VPS13A: variants seen among roughly 807,000 people sequenced by gnomAD.
The protein encoded by VPS13A is vacuolar protein sorting 13 homolog A, also known as intermembrane lipid transfer protein VPS13A.
In VPS13A, 264 loss-of-function variants were observed where a neutral mutation model predicts 390.9. That is an observed-to-expected ratio of 0.68 (90% CI 0.61 to 0.75). The LOEUF (loss-of-function observed/expected upper bound fraction) is 0.75. Among genes scored for constraint, VPS13A ranks in the 30% least tolerant of loss-of-function variants. The pLI is 0.00. For missense variants in VPS13A, 3,409 were observed against 3,733.9 expected (o/e 0.91, Z 2.27); for synonymous variants, 1,231 against 1,227.1 (o/e 1.00, Z -0.07).
chr9:77,276,235 T>A lies in VPS13A; in HGVS notation c.2824+14T>A. The A allele has an allele frequency of 6.4e-7, 1 of 1,565,766 alleles. No individual in the cohort carries two copies. Among genetic ancestry groups the A allele is most frequent in the Non-Finnish European group, 8.6e-7 (1 of 1,156,920 alleles). The stretch of plus-strand genomic sequence containing the variant: ...CAGAATACTTGGGTAAGAATCTCTA[T>A]TTTTTAAAATAAATAAATTAATTTC... On this transcript the variant is annotated intron_variant, in intron 26 of 71. Transcript: ENST00000360280.
intron 67 of VPS13A, among the ~76,000 whole-genome samples, chr9:77,373,792 A>T (rs1232424118): frequency 6.6e-6 from 1 of 151,742 alleles, no homozygotes; most frequent in East Asian, 1.9e-4. Context: ...ATTTACAAGA[A>T]AAAAACAAAC....
chr9:77,382,354 AT>A, intron 68 of VPS13A: 1 of 1,521,904 alleles, frequency 6.6e-7, no homozygotes, highest in Non-Finnish European at 8.8e-7. Flanking sequence ...TAGTCTTAAA[AT>A]TTACAAACTA....
At chr9:77,202,297 A>T (rs1825376945) in intron 3 of VPS13A, among the ~76,000 whole-genome samples, 1 of 152,096 alleles carries the variant, frequency 6.6e-6, no homozygotes, top group Non-Finnish European at 1.5e-5. Context: ...AGAGGGGGAG[A>T]ATGTCACCCA....
rs1230959524 is a variant in VPS13A at position 77,321,509 on chromosome 9, A to G, written c.5593A>G (p.Thr1865Ala). ...TTATTAGGCATTTACAGAAGCTGCC[A>G]CTGGATCTTCAGCTGACTTCGTAAA... ...NLVKAFTEAATGSSADFVKDL... is the reference protein window; with the variant it reads ...NLVKAFTEAAAGSSADFVKDL... Residue 1865 changes from threonine to alanine, a missense_variant, in exon 44 of 72, where the codon ACT (threonine) becomes GCT (alanine). This residue lies in a region of VPS13A where 2,717 missense variants were observed against 2,917.4 expected (regional missense o/e 0.93). Transcript: ENST00000360280. 2 of 1,613,466 alleles carry G rather than the reference A, an allele frequency of 1.2e-6. No homozygotes were observed. Among genetic ancestry groups the G allele is most frequent in the East Asian group, 4.5e-5 (2 of 44,836 alleles).
intron 45 of VPS13A, among the ~76,000 whole-genome samples, chr9:77,331,549 T>C (rs1830275663): frequency 6.6e-6 from 1 of 152,102 alleles, no homozygotes; most frequent in Non-Finnish European, 1.5e-5. Flanking sequence ...TTCCTCTTGA[T>C]TGCAACTTTT....
At chr9:77,406,180 T>A (rs1159537780) in intron 70 of VPS13A, among the ~76,000 whole-genome samples, 193 bp downstream of exon 70, 1 of 151,914 alleles carries the variant, frequency 6.6e-6, no homozygotes, top group Non-Finnish European at 1.5e-5. Context: ...AAAACTGTGC[T>A]TTCTGTGCTA....
In VPS13A at chr9:77,416,988, TAC is replaced by T. The variant is rs1835189112; in HGVS notation, c.*984_*985del. The T allele has an allele frequency of 6.6e-6, 1 of 152,530 alleles. No homozygotes were observed. The highest frequency in any genetic ancestry group is 1.5e-5 in the Non-Finnish European group (1 of 68,034). The allele number at this position is 152,530 out of a possible 1,614,324, so 9.4% of individuals were successfully genotyped here. On this transcript the variant is annotated 3_prime_UTR_variant, in exon 72 of 72. Coordinates refer to ENST00000360280, the MANE Select transcript of VPS13A (RefSeq NM_033305.3). Reference sequence around the variant, plus strand: ...TTGAGAATTTCTGGTTTGCTTACTCTACAGTTATTCAAATGAGAGTCACGCTT... The same window carrying T: ...TTGAGAATTTCTGGTTTGCTTACTCTAGTTATTCAAATGAGAGTCACGCTT...
chr9:77,281,757 ATG>A, intron 27 of VPS13A, 108 bp from the exon 28 acceptor site: 6 of 605,826 alleles, frequency 9.9e-6, no homozygotes, highest in East Asian at 3.1e-5. Flanking sequence ...ATATATATAT[ATG>A]TATATGAACA....
chr9:77,377,609 T>A (rs1445791889), intron 67 of VPS13A, among the ~76,000 whole-genome samples: 1 of 152,216 alleles, frequency 6.6e-6, no homozygotes, highest in Non-Finnish European at 1.5e-5. Context: ...AACTTGTTTA[T>A]TAGCTCTAAT....
intron 31 of VPS13A, 77 bp downstream of exon 31, chr9:77,283,727 G>T (rs899908989): frequency 4.1e-5 from 50 of 1,221,436 alleles, no homozygotes. Context: ...GGTATCATTT[G>T]GACATTTGTC....
Position 77,370,427 on chromosome 9 carries a change from G to C in VPS13A, c.8756G>C (p.Gly2919Ala), listed in dbSNP as rs1487147914. The change falls in exon 65 of 72, where the codon GGT becomes GCT. Residue 2919 changes from glycine to alanine, a missense_variant. By Grantham distance (60) the Gly-to-Ala change is moderately conservative. Coordinates refer to ENST00000360280, the MANE Select transcript of VPS13A (RefSeq NM_033305.3). ...TAATTTCTGTCAGGTGGATTGGCTG[G>C]TGCTGCCTCCAAAATCACCGGTGCT... ...LVGGAVGGLA[G>A]AASKITGAMA... 1.9e-6 allele frequency: 3 copies of C among 1,614,118 alleles called. No homozygotes were observed. The highest frequency in any genetic ancestry group is 2.5e-6 in the Non-Finnish European group (3 of 1,180,004).
chr9:77,247,260 T>C lies in VPS13A; in HGVS notation c.1902T>C (p.Gly634=), dbSNP rs1289188774. ...TAGAAAAGATTTACATTTTTCCAGG[T>C]CTACTGTATATTATTGAAACACAGA... The part of the protein sequence containing the change: ...LEEFRSKTAT[G]LLYIIETQKV... Residue 634 remains glycine (G), a splice_region_variant and synonymous_variant, in exon 20 of 72, where the codon GGT becomes GGC. Transcript: ENST00000360280. 14 of 1,581,622 alleles carry C rather than the reference T, an allele frequency of 8.9e-6. No individual in the cohort carries two copies. The highest frequency in any genetic ancestry group is 1.2e-5 in the Non-Finnish European group (14 of 1,159,822).
At chr9:77,239,859 T>TTC (rs1564656088) in intron 19 of VPS13A, among the ~76,000 whole-genome samples, 1 of 151,966 alleles carries the variant, frequency 6.6e-6, no homozygotes, top group Non-Finnish European at 1.5e-5. Flanking sequence ...AAGTTAAATA[T>TTC]TCTCTATCTC....
At chr9:77,212,551 G>GGCAACAAAA (rs1826028119) in intron 7 of VPS13A, among the ~76,000 whole-genome samples, 2 of 151,946 alleles carry the variant, frequency 1.3e-5, no homozygotes, top group African/African-American at 4.8e-5. Context: ...GCCCAAATTT[G>GGCAACAAAA]TCTCAAACTC....
chr9:77,186,465 T>TC (rs377126027), intron 1 of VPS13A, among the ~76,000 whole-genome samples: 6 of 152,118 alleles, frequency 3.9e-5, no homozygotes, highest in South Asian at 2.1e-4. Context: ...TGAGATGGAG[T>TC]CCTGCTGTGT....
chr9:77,303,130 G>T (rs970065841), intron 34 of VPS13A, 68 bp downstream of exon 34: 1 of 1,548,714 alleles, frequency 6.5e-7, no homozygotes, highest in Non-Finnish European at 8.9e-7. Context: ...GGGACATAAG[G>T]CATCATTTGA....
At chr9:77,289,784 CTTT>C (rs558593582) in intron 31 of VPS13A, among the ~76,000 whole-genome samples, 1 of 141,640 alleles carries the variant, frequency 7.1e-6, no homozygotes, top group African/African-American at 2.6e-5. Flanking sequence ...TTTCTCATTT[CTTT>C]TTTTTTTTTT....
chr9:77,321,145 T>C, intron 42 of VPS13A, 24 bp from the exon 43 acceptor site: 2 of 1,603,740 alleles, frequency 1.2e-6, no homozygotes, highest in Admixed American at 1.7e-5. Flanking sequence ...TTTTTCCTTA[T>C]ATTTCTATGA....
chr9:77,357,642 G>T, intron 55 of VPS13A, 50 bp from the exon 56 acceptor site: 1 of 1,579,300 alleles, frequency 6.3e-7, no homozygotes, highest in Non-Finnish European at 8.6e-7. Context: ...TCTAATTCTA[G>T]TCATTTATAG....
Sources: gnomAD v4.1 joint callset for allele counts (sites outside exome capture counted in the v4.1 genomes callset) on GRCh38, gnomAD v4.1.1 for gene constraint, gnomAD v4.1.1 regional missense constraint, MANE v1.5 for transcripts, NCBI Gene and HGNC (gene_info 2026-07-23, HGNC 2026-07-21) for gene names.